Variants in SI observed in about 807,000 individuals in gnomAD.
The protein encoded by SI is sucrase-isomaltase, intestinal.
Under a neutral mutation model 253.3 loss-of-function variants are expected in SI, and 235 were observed. That is an observed-to-expected ratio of 0.93 (90% confidence interval 0.83 to 1.03). The LOEUF is 1.03. SI is among the 50% of genes least tolerant of loss of function. SI has a pLI of 0.00. For synonymous variants in SI, 819 were observed against 712.0 expected (o/e 1.15, Z -2.39); for missense variants, 2,442 against 2,211.1 (o/e 1.10, Z -2.09).
intron 36 of SI, among the ~76,000 whole-genome samples, chr3:165,007,635 A>G (rs1199250108): frequency 2.0e-5 from 3 of 151,874 alleles, no homozygotes; most frequent in African/African-American, 7.2e-5. Flanking sequence ...GTTCATGTAG[A>G]TAAAATATAT....
intron 45 of SI, among the ~76,000 whole-genome samples, chr3:164,986,364 T>C (rs1717436039): frequency 6.6e-6 from 1 of 152,212 alleles, no homozygotes; most frequent in Non-Finnish European, 1.5e-5. Context: ...TTCCTGCTTT[T>C]CTGTGTAACA....
At position 165,037,969 on chromosome 3, in the gene SI, T is replaced by C. The variant is rs868777725; in HGVS notation, c.2357A>G (p.Lys786Arg). The change falls in exon 21 of 48, where the codon AAA (lysine) becomes AGA (arginine). Residue 786 changes from lysine (K) to arginine (R), a missense_variant. By Grantham distance (26) the Lys-to-Arg change is conservative (BLOSUM62 2). Coordinates refer to ENST00000264382, the MANE Select transcript of SI (RefSeq NM_001041.4). ...ACCTCCTCTAAGATGTAATCCTATT[T>C]TGTCTGCTGGAAGATACATATCAAC... ...QRVDMYLPAD[K>R]IGLHLRGGYI... is the part of the protein sequence containing the mutation. 2 of 1,611,662 alleles carry C rather than the reference T, an allele frequency of 1.2e-6. No homozygotes were observed. The highest frequency in any genetic ancestry group is 1.7e-6 in the Non-Finnish European group (2 of 1,178,392).
At chr3:165,043,365 T>G (rs1712948656) in intron 16 of SI, among the ~76,000 whole-genome samples, 190 bp from the exon 17 acceptor site, 1 of 152,058 alleles carries the variant, frequency 6.6e-6, no homozygotes, top group African/African-American at 2.4e-5. Flanking sequence ...TTATTTTATA[T>G]GTTCTTTCCT....
Position 164,982,370 on chromosome 3 carries a change from T to G in SI, c.5288A>C (p.Asn1763Thr), listed in dbSNP as rs959270893. ...TSTILKRGYI[N>T]KSETRLGSLH... ...GGATCCAAGCCTCGTTTCACTTTTA[T>G]TTATGTAACCTCTCTTCAATATAGT... is the stretch of plus-strand genomic sequence containing the variant. The change falls in exon 47 of 48, where the codon AAT (asparagine) becomes ACT (threonine). Residue 1763 changes from asparagine (N) to threonine (T), a missense_variant. Physicochemically the swap from Asn to Thr is moderately conservative, Grantham distance 65. Coordinates refer to ENST00000264382, the MANE Select transcript of SI (RefSeq NM_001041.4). 10 of 1,612,428 alleles carry G rather than the reference T, an allele frequency of 6.2e-6. No homozygotes were observed.
intron 47 of SI, among the ~76,000 whole-genome samples, chr3:164,981,742 A>C (rs1475958215): frequency 6.6e-6 from 1 of 152,146 alleles, no homozygotes; most frequent in Non-Finnish European, 1.5e-5. Flanking sequence ...TAATAGGCCT[A>C]AAATTTTTTG....
chr3:165,026,365 T>A (rs1711921939), intron 25 of SI, among the ~76,000 whole-genome samples: 3 of 150,484 alleles, frequency 2.0e-5, no homozygotes, highest in African/African-American at 4.9e-5. Flanking sequence ...ATTGAGAGAG[T>A]CAGCAACACA....
chr3:165,027,081 T>A (rs186875074), intron 25 of SI, among the ~76,000 whole-genome samples: 8 of 151,196 alleles, frequency 5.3e-5, no homozygotes, highest in African/African-American at 1.9e-4. Flanking sequence ...GCAAGATTGA[T>A]CAAGAAAAGG....
rs1475934927 is a variant in SI at position 165,046,972 on chromosome 3, G to A, written c.1756C>T (p.Leu586Phe). Residue 586 changes from leucine (L) to phenylalanine (F), a missense_variant, in exon 16 of 48, where the codon CTT becomes TTT. Physicochemically the swap from Leu to Phe is conservative, Grantham distance 22. Transcript: ENST00000264382. ...KVFPNKRSFI[L>F]TRSTFAGSGR... ...GATCCAGCAAATGTTGAGCGGGTAA[G>A]AATGAAGCTTCTCTTATTAGGAAAA... The A allele has an allele frequency of 6.2e-7, 1 of 1,611,104 alleles. No individual in the cohort carries two copies. The highest frequency in any genetic ancestry group is 1.3e-5 in the African/African-American group (1 of 74,820).
At chr3:165,058,859 T>TACAAAC in intron 12 of SI, 104 bp downstream of exon 12, 1 of 638,348 alleles carries the variant, frequency 1.6e-6, no homozygotes, top group Non-Finnish European at 2.8e-6. Flanking sequence ...AAAGCAGACA[T>TACAAAC]ACACACACAC....
chr3:165,085,595 CG>C, the SI span, among the ~76,000 whole-genome samples: 1 of 152,008 alleles, frequency 6.6e-6, no homozygotes, highest in Non-Finnish European at 1.5e-5. Context: ...TCTAACCTAT[CG>C]GTATGTTAAA....
intron 44 of SI, among the ~76,000 whole-genome samples, chr3:164,989,426 A>AAGAAAGAAAGAAAGAAAGAG (rs1233314374): frequency 1.0e-4 from 15 of 148,940 alleles, no homozygotes; most frequent in South Asian, 8.8e-4. Context: ...GAAAGAAAGA[A>AAGAAAGAAAGAAAGAAAGAG]AGAAAGAAAG....
At chr3:165,038,368 G>A (rs971209561) in intron 20 of SI, among the ~76,000 whole-genome samples, 2 of 151,748 alleles carry the variant, frequency 1.3e-5, no homozygotes, top group Admixed American at 6.6e-5. Context: ...TAAAAATAAA[G>A]GGTATACTTA....
chr3:165,074,823 G>A (rs977596064), intron 2 of SI, 156 bp from the exon 3 acceptor site: 3 of 608,168 alleles, frequency 4.9e-6, no homozygotes, highest in South Asian at 4.1e-5. Flanking sequence ...ACAATTTCAA[G>A]CACTAGTCAT....
chr3:164,992,798 T>A (rs181841272), intron 41 of SI, among the ~76,000 whole-genome samples: 1 of 152,010 alleles, frequency 6.6e-6, no homozygotes. Context: ...ATTCATTAAT[T>A]TTAAAAAGAG....
At chr3:165,070,495 G>C (rs1016613963) in intron 3 of SI, among the ~76,000 whole-genome samples, 7 of 150,732 alleles carry the variant, frequency 4.6e-5, no homozygotes, top group African/African-American at 1.7e-4. Flanking sequence ...TGCAACTTTT[G>C]ATCAGGCAAT....
At chr3:165,058,512 A>T (rs1193919617) in intron 12 of SI, among the ~76,000 whole-genome samples, 1 of 151,978 alleles carries the variant, frequency 6.6e-6, no homozygotes, top group East Asian at 1.9e-4. Context: ...GAAAATATAA[A>T]CAAAGTCAAC....
intron 9 of SI, among the ~76,000 whole-genome samples, chr3:165,061,150 C>T (rs1331750212): frequency 6.6e-6 from 1 of 151,694 alleles, no homozygotes; most frequent in African/African-American, 2.4e-5. Context: ...GAAGAATCAA[C>T]ATATATGTTG....
chr3:165,055,235 T>C lies in SI; in HGVS notation c.1471A>G (p.Ser491Gly). The change falls in exon 13 of 48, where the codon AGT (serine) becomes GGT (glycine). Residue 491 changes from serine to glycine, a missense_variant. Coordinates refer to ENST00000264382, the MANE Select transcript of SI (RefSeq NM_001041.4). ...NCIDWWANEC[S>G]IFHQEVQYDG... ...TATTGCACTTCTTGATGGAAAATAC[T>C]GCATTCATTTGCCCACCAATCAATG... 1.2e-6 allele frequency: 2 copies of C among 1,611,754 alleles called. No homozygotes were observed. Among genetic ancestry groups the C allele is most frequent in the Non-Finnish European group, 1.7e-6 (2 of 1,178,370 alleles).
At chr3:165,024,611 C>CCCTA (rs1437729796) in intron 25 of SI, among the ~76,000 whole-genome samples, 2 of 151,000 alleles carry the variant, frequency 1.3e-5, no homozygotes, top group Non-Finnish European at 3.0e-5. Context: ...CATCTGTGTA[C>CCCTA]CCTATCCCAG....
Sources: gnomAD v4.1 joint callset for allele counts (sites outside exome capture counted in the v4.1 genomes callset) on GRCh38, gnomAD v4.1.1 for gene constraint, MANE v1.5 for transcripts, NCBI Gene and HGNC (gene_info 2026-07-23, HGNC 2026-07-21) for gene names.